TBC1D12: variants seen among roughly 807,000 people sequenced by gnomAD.
TBC1D12 encodes the protein TBC1 domain family, member 12.
A neutral mutation model predicts 86.7 loss-of-function variants in TBC1D12; 56 were observed. That is an observed-to-expected ratio of 0.65 (90% CI 0.52 to 0.81). TBC1D12 has a LOEUF of 0.81. TBC1D12 is among the 30% of genes least tolerant of loss of function. The probability of loss-of-function intolerance (pLI) is 0.00; values close to 1 mark genes in which losing one functional copy is unlikely to be tolerated. For synonymous variants in TBC1D12, 421 were observed against 411.7 expected, an observed-to-expected ratio of 1.02 and a Z score of -0.27; for missense variants, 1,023 against 1,038.8, an observed-to-expected ratio of 0.98 and a Z score of 0.21.
chr10:94,480,180 T>A (rs2056056142), intron 3 of TBC1D12, among the ~76,000 whole-genome samples: 1 of 152,200 alleles, frequency 6.6e-6, no homozygotes, highest in African/African-American at 2.4e-5. Flanking sequence ...TAATGAATAG[T>A]TACCCTGGTA....
intron 1 of TBC1D12, among the ~76,000 whole-genome samples, chr10:94,409,723 A>G (rs914896772): frequency 5.3e-5 from 8 of 152,152 alleles, no homozygotes; most frequent in Non-Finnish European, 1.0e-4. Flanking sequence ...GACTATTATT[A>G]TAATACTAAC....
intron 12 of TBC1D12, among the ~76,000 whole-genome samples, chr10:94,532,634 A>G (rs1032005402): frequency 3.3e-5 from 5 of 152,228 alleles, no homozygotes; most frequent in Admixed American, 2.6e-4. Flanking sequence ...TAGTTGAAAG[A>G]ATATATAATG....
chr10:94,446,891 G>A (rs952687806), intron 2 of TBC1D12, among the ~76,000 whole-genome samples: 1 of 151,930 alleles, frequency 6.6e-6, no homozygotes. Flanking sequence ...AGACTAGCCT[G>A]GCCAACCACA....
chr10:94,493,537 C>G, intron 4 of TBC1D12, 90 bp downstream of exon 4: 2 of 982,202 alleles, frequency 2.0e-6, no homozygotes, highest in Non-Finnish European at 3.1e-6. Flanking sequence ...CAAGATGATA[C>G]TGAATTCTTT....
intron 1 of TBC1D12, among the ~76,000 whole-genome samples, chr10:94,408,630 C>CA (rs2054888119): frequency 6.6e-6 from 1 of 151,576 alleles, no homozygotes; most frequent in South Asian, 2.1e-4. Flanking sequence ...TGCTAGTTGA[C>CA]AAAATCATAA....
intron 1 of TBC1D12, among the ~76,000 whole-genome samples, chr10:94,409,374 CTTTTTTT>C: frequency 8.0e-6 from 1 of 125,408 alleles, no homozygotes; most frequent in African/African-American, 3.0e-5. Flanking sequence ...ATTAAATTAA[CTTTTTTT>C]TTTTTTTTTT....
rs116156683 is a variant in TBC1D12, at chr10:94,486,925, C to T, written c.1212-6440C>T. ...AGTGGTGTGTTGAAGTCTCTATTATCGTATTGAGGTGCATCTTTCTCTTTA... is the reference window on the plus strand; with the variant it reads ...AGTGGTGTGTTGAAGTCTCTATTATTGTATTGAGGTGCATCTTTCTCTTTA... On this transcript the variant is annotated intron_variant, in intron 3 of 12. Coordinates refer to ENST00000225235, the MANE Select transcript of TBC1D12 (RefSeq NM_015188.2). Among the ~76,000 whole-genome samples, 448 of 152,196 alleles carry T rather than the reference C, an allele frequency of 2.9e-3. 2 individuals carry two copies. Among genetic ancestry groups the T allele is most frequent in the African/African-American group, 0.01 (425 of 41,534 alleles).
At chr10:94,479,436 T>A (rs1221833957) in intron 3 of TBC1D12, among the ~76,000 whole-genome samples, 1 of 152,152 alleles carries the variant, frequency 6.6e-6, no homozygotes, top group African/African-American at 2.4e-5. Context: ...ATCTTCACAA[T>A]TCTTTGTAAT....
At chr10:94,412,514 G>A (rs2054940828) in intron 1 of TBC1D12, among the ~76,000 whole-genome samples, 1 of 152,210 alleles carries the variant, frequency 6.6e-6, no homozygotes, top group African/African-American at 2.4e-5. Flanking sequence ...AAGCAAATCT[G>A]AGAAGGAACC....
chr10:94,534,094 A>T lies in TBC1D12; in HGVS notation c.*998A>T, dbSNP rs1304993543. The T allele has an allele frequency of 2.0e-5, 3 of 152,334 alleles. No individual in the cohort carries two copies. The allele number at this position is 152,334 out of a possible 1,614,324, so 9.4% of individuals were successfully genotyped here. ...AAAACTCTATGCATAATTTTTCCTA[A>T]TCAGTGGAAATAAGAATAAAAGAAA... On this transcript the variant is annotated 3_prime_UTR_variant, in exon 13 of 13. Coordinates refer to ENST00000225235, the MANE Select transcript of TBC1D12 (RefSeq NM_015188.2).
chr10:94,440,468 C>T (rs1354187538), intron 1 of TBC1D12, among the ~76,000 whole-genome samples: 3 of 152,128 alleles, frequency 2.0e-5, no homozygotes, highest in African/African-American at 4.8e-5. Flanking sequence ...AGCCACTATG[C>T]CTGGCCATTT....
chr10:94,459,079 ATTGGTCCATTTTACAGAGAGCTG>A, intron 2 of TBC1D12, among the ~76,000 whole-genome samples: 2 of 151,244 alleles, frequency 1.3e-5, no homozygotes, highest in African/African-American at 4.9e-5. Flanking sequence ...CAGAGAGCTG[ATTGGTCCATTTTACAGAGAGCTG>A]ATTGGTCCAT....
chr10:94,403,280 C>T lies in TBC1D12; in HGVS notation c.667C>T (p.Pro223Ser), dbSNP rs769655325. Residue 223 changes from proline (P) to serine (S), a missense_variant, in exon 1 of 13, where the codon CCC becomes TCC. Physicochemically the swap from Pro to Ser is moderately conservative, Grantham distance 74. Around this residue, in one of 2 missense-constraint regions of TBC1D12, gnomAD observed 628 missense variants for 531.1 expected, o/e 1.18. Transcript: ENST00000225235. ...CGCGGGCAGCGACTCGGGGGACAGC[C>T]CCGCCAGCAGCTGCAGCAGTAGCGA... ...EGAGSDSGDS[P>S]ASSCSSSEDS... is the part of the protein sequence containing the mutation. 5.3e-6 allele frequency: 8 copies of T among 1,502,316 alleles called. 1 individual carries two copies. The allele number at this position is 1,502,316 out of a possible 1,614,324, so 93.1% of individuals were successfully genotyped here.
chr10:94,439,166 T>C (rs1441226789), intron 1 of TBC1D12, among the ~76,000 whole-genome samples: 1 of 152,234 alleles, frequency 6.6e-6, no homozygotes, highest in Non-Finnish European at 1.5e-5. Context: ...GATCTTTCTA[T>C]TCTGTCATTT....
At chr10:94,410,530 C>T (rs962527853) in intron 1 of TBC1D12, among the ~76,000 whole-genome samples, 1 of 152,198 alleles carries the variant, frequency 6.6e-6, no homozygotes, top group Non-Finnish European at 1.5e-5. Flanking sequence ...TGTGAGCCAT[C>T]GTGCCCAGCC....
At chr10:94,511,099 T>C (rs1047862327) in intron 8 of TBC1D12, among the ~76,000 whole-genome samples, 2 of 140,552 alleles carry the variant, frequency 1.4e-5, no homozygotes, top group African/African-American at 5.3e-5. Context: ...ATATTTCTTT[T>C]TTTTTTTTTT....
intron 1 of TBC1D12, among the ~76,000 whole-genome samples, chr10:94,424,949 G>C (rs563860121): frequency 3.7e-4 from 57 of 152,314 alleles, no homozygotes; most frequent in African/African-American, 1.1e-3. Flanking sequence ...TGTCCCATAG[G>C]GAGGTGATCA....
chr10:94,484,365 AG>A (rs887689971), intron 3 of TBC1D12, among the ~76,000 whole-genome samples: 16 of 151,120 alleles, frequency 1.1e-4, no homozygotes, highest in African/African-American at 3.7e-4. Flanking sequence ...CTCCTGCCTC[AG>A]CCTCCCAGCA....
At chr10:94,465,256 T>A (rs567421777) in intron 2 of TBC1D12, among the ~76,000 whole-genome samples, 111 of 152,332 alleles carry the variant, frequency 7.3e-4, no homozygotes, top group Non-Finnish European at 1.4e-3. Flanking sequence ...TACGTAGATC[T>A]TCCAAATGTT....
Sources: gnomAD v4.1 joint callset for allele counts (sites outside exome capture counted in the v4.1 genomes callset) on GRCh38, gnomAD v4.1.1 for gene constraint, gnomAD v4.1.1 regional missense constraint, MANE v1.5 for transcripts, NCBI Gene and HGNC (gene_info 2026-07-23, HGNC 2026-07-21) for gene names.